Variants in GPC5 observed in about 807,000 individuals in gnomAD.
GPC5 encodes the protein glypican-5.
GPC5 carries 47 observed loss-of-function variants against 53.9 expected under a neutral mutation model. That is an observed-to-expected ratio of 0.87 (90% CI 0.69 to 1.11). The LOEUF (loss-of-function observed/expected upper bound fraction) is 1.11. Ranked by LOEUF, GPC5 falls within the 50% of genes most tolerant of loss-of-function variation. GPC5 has a pLI of 0.00. For synonymous variants in GPC5, 286 were observed against 263.3 expected, an observed-to-expected ratio of 1.09 and a Z score of -0.84; for missense variants, 748 against 713.1, an observed-to-expected ratio of 1.05 and a Z score of -0.56.
chr13:92,752,621 A>C (rs987627352), intron 7 of GPC5, among the ~76,000 whole-genome samples: 8 of 152,208 alleles, frequency 5.3e-5, no homozygotes, highest in African/African-American at 1.9e-4. Context: ...GGCGCAGGTC[A>C]GTGGGTGCGC....
intron 7 of GPC5, among the ~76,000 whole-genome samples, chr13:92,610,030 C>CAAAAAA (rs56913637): frequency 1.1e-4 from 8 of 70,808 alleles, no homozygotes; most frequent in South Asian, 7.4e-4. Context: ...GACTCCATCT[C>CAAAAAA]AAAAAAAAAA....
At chr13:91,728,227 GGTAAA>G (rs1177680036) in intron 3 of GPC5, among the ~76,000 whole-genome samples, 4 of 151,930 alleles carry the variant, frequency 2.6e-5, no homozygotes, top group Non-Finnish European at 5.9e-5. Flanking sequence ...TATCTATTTT[GGTAAA>G]GTAATGTTAC....
intron 2 of GPC5, among the ~76,000 whole-genome samples, chr13:91,673,595 A>G (rs1206991221): frequency 6.6e-6 from 1 of 152,168 alleles, no homozygotes; most frequent in African/African-American, 2.4e-5. Context: ...GTGATGCAGG[A>G]AGCTTCTCTA....
chr13:92,535,451 A>G (rs1881693777), intron 7 of GPC5, among the ~76,000 whole-genome samples: 1 of 151,936 alleles, frequency 6.6e-6, no homozygotes, highest in Non-Finnish European at 1.5e-5. Flanking sequence ...GACTAAAACT[A>G]GTGGTTTATA....
chr13:91,831,847 T>C (rs1400601586), intron 5 of GPC5, among the ~76,000 whole-genome samples: 1 of 152,080 alleles, frequency 6.6e-6, no homozygotes, highest in African/African-American at 2.4e-5. Context: ...TTTCCATTCT[T>C]TTGCATTTGC....
intron 6 of GPC5, among the ~76,000 whole-genome samples, chr13:92,010,631 C>T (rs905409036): frequency 1.3e-5 from 2 of 152,068 alleles, no homozygotes; most frequent in African/African-American, 4.8e-5. Flanking sequence ...GACTGGTATC[C>T]TTATAAGAAG....
At chr13:92,833,992 A>G (rs1022906445) in intron 7 of GPC5, among the ~76,000 whole-genome samples, 3 of 152,190 alleles carry the variant, frequency 2.0e-5, no homozygotes, top group African/African-American at 7.2e-5. Context: ...GGACAATATA[A>G]TCTGATTTGA....
chr13:92,119,599 T>C (rs2041631672), intron 6 of GPC5, among the ~76,000 whole-genome samples: 2 of 144,442 alleles, frequency 1.4e-5, no homozygotes, highest in South Asian at 4.4e-4. Flanking sequence ...TTTTTGTATT[T>C]TTAGTAGAGA....
At chr13:91,893,517 T>A (rs1034819726) in intron 5 of GPC5, among the ~76,000 whole-genome samples, 9 of 152,104 alleles carry the variant, frequency 5.9e-5, no homozygotes, top group African/African-American at 1.9e-4. Flanking sequence ...AACATGTGCA[T>A]GTGTATGAAC....
rs187763281 is a variant in GPC5, at chr13:92,495,040, T to C, written c.1561+350051T>C. ...TTTTGCTTAAGAGTCCACTTAGTTC[T>C]TGTTTGCAGGAAGTAAAATTTCTTG... On this transcript the variant is annotated intron_variant, in intron 7 of 7. Transcript: ENST00000377067. Among the ~76,000 whole-genome samples the C allele has an allele frequency of 9.8e-5, 15 of 152,366 alleles. No individual in the cohort carries two copies. The East Asian group carries it at 2.9e-3, about 29-fold the overall frequency.
At chr13:91,737,349 TC>T in intron 4 of GPC5, among the ~76,000 whole-genome samples, 1 of 151,628 alleles carries the variant, frequency 6.6e-6, no homozygotes, top group East Asian at 1.9e-4. Context: ...ATAGTTTTCC[TC>T]AGGTATCCTT....
intron 7 of GPC5, among the ~76,000 whole-genome samples, chr13:92,814,622 T>C (rs1594524903): frequency 6.6e-6 from 1 of 150,568 alleles, no homozygotes; most frequent in African/African-American, 2.5e-5. Flanking sequence ...GATCGTGCCA[T>C]TGCACTCCAG....
chr13:91,843,187 CTCA>C (rs749305822), intron 5 of GPC5, among the ~76,000 whole-genome samples: 26 of 152,092 alleles, frequency 1.7e-4, no homozygotes, highest in Admixed American at 1.3e-4. Context: ...ATTAATGATC[CTCA>C]TGTTTCTAAG....
chr13:92,564,437 A>AAT (rs536843264), intron 7 of GPC5, among the ~76,000 whole-genome samples: 396 of 152,212 alleles, frequency 2.6e-3, no homozygotes, highest in Non-Finnish European at 4.0e-3. Context: ...GTTTTAATGC[A>AAT]ATATAGCTAG....
chr13:91,990,236 T>G (rs1020934280), intron 6 of GPC5, among the ~76,000 whole-genome samples: 4 of 152,224 alleles, frequency 2.6e-5, no homozygotes, highest in Non-Finnish European at 5.9e-5. Flanking sequence ...TCACAATTCT[T>G]AAACTCAAGT....
chr13:92,587,354 ATTC>A (rs1883570704), intron 7 of GPC5, among the ~76,000 whole-genome samples: 1 of 152,210 alleles, frequency 6.6e-6, no homozygotes, highest in East Asian at 1.9e-4. Flanking sequence ...GGGAATTAGT[ATTC>A]TTTCATTTTA....
At chr13:92,475,141 T>G (rs1378073216) in intron 7 of GPC5, among the ~76,000 whole-genome samples, 1 of 151,956 alleles carries the variant, frequency 6.6e-6, no homozygotes, top group Non-Finnish European at 1.5e-5. Context: ...AGTGTGATGC[T>G]TCCAGCTTTG....
intron 5 of GPC5, among the ~76,000 whole-genome samples, chr13:91,774,839 C>T (rs536739502): frequency 2.6e-5 from 4 of 152,256 alleles, no homozygotes; most frequent in South Asian, 2.1e-4. Flanking sequence ...CAGCCCAGAC[C>T]GCCTTTTTGC....
At chr13:92,443,277 C>A (rs574180470) in intron 7 of GPC5, among the ~76,000 whole-genome samples, 2 of 152,272 alleles carry the variant, frequency 1.3e-5, no homozygotes, top group East Asian at 3.9e-4. Context: ...GAGGGCTCTG[C>A]CTGCATGACC....
Sources: allele counts gnomAD v4.1 joint callset (sites outside exome capture counted in the v4.1 genomes callset), GRCh38; gene constraint gnomAD v4.1.1; transcripts MANE v1.5; gene names NCBI Gene and HGNC (gene_info 2026-07-23, HGNC 2026-07-21).